The following FGF14 variants were observed in gnomAD, a reference collection of about 807,000 sequenced individuals.
FGF14 encodes fibroblast growth factor homologous factor 4.
FGF14 carries 5 observed loss-of-function variants against 25.5 expected under a neutral mutation model. The observed-to-expected ratio is 0.20, with a 90% CI of 0.10 to 0.41. The LOEUF (loss-of-function observed/expected upper bound fraction) is 0.41. Ranked by LOEUF, FGF14 falls within the 10% of genes least tolerant of loss-of-function variation. FGF14 has a pLI of 1.00. For missense variants in FGF14, 222 were observed against 320.1 expected (o/e 0.69, Z 2.34); for synonymous variants, 138 against 118.3 (o/e 1.17, Z -1.08).
intron 1 of FGF14, among the ~76,000 whole-genome samples, chr13:101,990,367 A>T (rs2038829639): frequency 2.6e-5 from 4 of 152,168 alleles, no homozygotes; most frequent in Admixed American, 2.6e-4. Flanking sequence ...ATTTAGTGGC[A>T]TACGCCTATA....
chr13:101,805,857 C>T (rs947046183), intron 3 of FGF14, among the ~76,000 whole-genome samples: 7 of 151,812 alleles, frequency 4.6e-5, no homozygotes, highest in South Asian at 2.1e-4. Flanking sequence ...AAAACAAAAG[C>T]CCAAATGGAG....
intron 1 of FGF14, among the ~76,000 whole-genome samples, chr13:102,189,635 C>T (rs2049046333): frequency 6.6e-6 from 1 of 152,182 alleles, no homozygotes; most frequent in African/African-American, 2.4e-5. Flanking sequence ...AATATCTACT[C>T]AGTGCCAGAC....
At chr13:101,789,308 G>A (rs1419025246) in intron 3 of FGF14, among the ~76,000 whole-genome samples, 1 of 151,816 alleles carries the variant, frequency 6.6e-6, no homozygotes, top group African/African-American at 2.4e-5. Context: ...AACCATTAGG[G>A]GTTCTTTCTT....
chr13:101,824,630 T>C (rs559185766), intron 3 of FGF14, among the ~76,000 whole-genome samples: 1 of 152,302 alleles, frequency 6.6e-6, no homozygotes, highest in African/African-American at 2.4e-5. Flanking sequence ...CCTAAAACCC[T>C]TGAAATCTAC....
At chr13:102,062,364 A>C (rs1021942972) in intron 1 of FGF14, among the ~76,000 whole-genome samples, 3 of 152,210 alleles carry the variant, frequency 2.0e-5, no homozygotes, top group African/African-American at 7.2e-5. Context: ...AAACAAAAAG[A>C]AAAAAATAAA....
At chr13:101,748,059 G>A (rs913846015) in intron 3 of FGF14, among the ~76,000 whole-genome samples, 3 of 151,902 alleles carry the variant, frequency 2.0e-5, no homozygotes, top group African/African-American at 7.2e-5. Context: ...ACAGTACGGA[G>A]ATATCTCAAA....
At position 101,916,937 on chromosome 13, in the gene FGF14, C is replaced by G. The variant is rs1033848593; in HGVS notation, c.-292G>C. Among the ~76,000 whole-genome samples the G allele has an allele frequency of 1.3e-5, 2 of 151,938 alleles. No homozygotes were observed. The highest frequency in any genetic ancestry group is 1.5e-5 in the Non-Finnish European group (1 of 67,928). ...GCCACGTCCGAGTGGAGAGCGGGAC[C>G]GCGGCTGCGGGCGCTGCTGGTCACC... On this transcript the variant is annotated 5_prime_UTR_variant, in exon 1 of 5. Coordinates refer to ENST00000376143, the MANE Select transcript of FGF14 (RefSeq NM_004115.4).
chr13:101,959,867 G>A (rs66925752), intron 1 of FGF14, among the ~76,000 whole-genome samples: 15,391 of 152,036 alleles, frequency 0.1, 905 homozygotes, highest in Admixed American at 0.2. Flanking sequence ...GTCTCTGCTC[G>A]GTATATAACA....
intron 3 of FGF14, among the ~76,000 whole-genome samples, chr13:101,770,854 T>C (rs1361483511): frequency 6.6e-6 from 1 of 151,944 alleles, no homozygotes; most frequent in African/African-American, 2.4e-5. Context: ...ATTATTTAAA[T>C]CAAAGAATGA....
chr13:102,047,736 G>C (rs140041880), intron 1 of FGF14, among the ~76,000 whole-genome samples: 1 of 151,974 alleles, frequency 6.6e-6, no homozygotes, highest in Non-Finnish European at 1.5e-5. Context: ...GCTAAATGAC[G>C]AGTTAATGGG....
At chr13:102,284,561 AT>A (rs1054475634) in intron 1 of FGF14, among the ~76,000 whole-genome samples, 3 of 152,100 alleles carry the variant, frequency 2.0e-5, no homozygotes, top group African/African-American at 7.2e-5. Context: ...TGCTCTCTAG[AT>A]TTTTTTACTC....
At chr13:101,912,871 C>A (rs1270306287) in intron 1 of FGF14, among the ~76,000 whole-genome samples, 1 of 152,030 alleles carries the variant, frequency 6.6e-6, no homozygotes, top group Non-Finnish European at 1.5e-5. Flanking sequence ...TCACTCCAAT[C>A]CAAGGGCAAT....
chr13:101,861,200 C>T (rs1263485683), intron 3 of FGF14, among the ~76,000 whole-genome samples: 1 of 152,008 alleles, frequency 6.6e-6, no homozygotes, highest in Non-Finnish European at 1.5e-5. Flanking sequence ...CACAGCTTTC[C>T]CAAGACAGCC....
At chr13:102,100,455 C>T (rs1171488606) in intron 1 of FGF14, among the ~76,000 whole-genome samples, 1 of 152,106 alleles carries the variant, frequency 6.6e-6, no homozygotes, top group Admixed American at 6.5e-5. Flanking sequence ...CTTTGCAGAA[C>T]AGAAGGAGGT....
chr13:102,087,129 G>A (rs1038963390), intron 1 of FGF14, among the ~76,000 whole-genome samples: 2 of 152,296 alleles, frequency 1.3e-5, no homozygotes, highest in Admixed American at 6.5e-5. Context: ...AGATTAGCTG[G>A]TTTGGGAAAT....
intron 1 of FGF14, among the ~76,000 whole-genome samples, chr13:102,272,940 T>A (rs1207479101): frequency 1.3e-5 from 2 of 152,156 alleles, no homozygotes; most frequent in Non-Finnish European, 2.9e-5. Context: ...TTTAATTTAA[T>A]AAACAAATAT....
At chr13:102,388,337 A>C (rs1253835572) in intron 1 of FGF14, among the ~76,000 whole-genome samples, 1 of 152,216 alleles carries the variant, frequency 6.6e-6, no homozygotes, top group Non-Finnish European at 1.5e-5. Flanking sequence ...ATTGTATAGA[A>C]AGATGTATAA....
chr13:101,916,347 C>A, intron 1 of FGF14, 106 bp downstream of exon 1: 1 of 1,380,548 alleles, frequency 7.2e-7, no homozygotes, highest in Non-Finnish European at 1.0e-6. Flanking sequence ...AGGCCGGGGC[C>A]GGGGTGGGCC....
intron 1 of FGF14, among the ~76,000 whole-genome samples, chr13:102,061,289 C>T (rs578033875): frequency 2.6e-5 from 4 of 152,324 alleles, no homozygotes; most frequent in African/African-American, 7.2e-5. Context: ...ACTGAAAGAG[C>T]GCACTGTAAC....
Sources: allele counts gnomAD v4.1 joint callset (sites outside exome capture counted in the v4.1 genomes callset), GRCh38; gene constraint gnomAD v4.1.1; transcripts MANE v1.5; gene names NCBI Gene and HGNC (gene_info 2026-07-23, HGNC 2026-07-21).